PIR: variants seen among roughly 807,000 people sequenced by gnomAD.
The protein encoded by PIR is pirin (iron-binding nuclear protein).
A neutral mutation model predicts 24.2 loss-of-function variants in PIR; 22 were observed. The observed-to-expected ratio is 0.91, with a 90% CI of 0.65 to 1.30. The LOEUF (loss-of-function observed/expected upper bound fraction) is 1.30. PIR is among the 50% of genes most tolerant of loss of function. The pLI is 0.00. For synonymous variants in PIR, 80 were observed against 79.6 expected (o/e 1.00, Z -0.03); for missense variants, 220 against 220.3 (o/e 1.00, Z 0.01).
At chrX:15,438,673 T>C (rs1925822606) in intron 5 of PIR, among the ~76,000 whole-genome samples, 2 of 111,561 alleles carry the variant, frequency 1.8e-5, no homozygotes, top group African/African-American at 6.5e-5. Flanking sequence ...GGTGCCATCA[T>C]TGTTGCAACT....
chrX:15,397,352 A>T (rs1313678192), intron 8 of PIR, 97 bp downstream of exon 8: 28 of 579,591 alleles, frequency 4.8e-5, no homozygotes, highest in Non-Finnish European at 7.6e-5. Context: ...TCCAAGGAAG[A>T]GAGAAAAACT....
Position 15,491,324 on chromosome X carries a change from AC to A in PIR, c.-52-16del. The A allele has an allele frequency of 5.7e-6, 4 of 707,532 alleles. No homozygotes were observed. The highest frequency in any genetic ancestry group is 8.5e-6 in the Non-Finnish European group (4 of 471,053). 58.3% of individuals were successfully genotyped at this position (707,532 alleles called of 1,213,427 possible). A position where few individuals can be genotyped will look rare whatever the true frequency, so the allele number is the denominator to read the frequency against. On this transcript the variant is annotated splice_polypyrimidine_tract_variant and intron_variant, in intron 1 of 9. Coordinates refer to ENST00000380420, the MANE Select transcript of PIR (RefSeq NM_001018109.3). ...AGGATGGAGGGCTAAAGGAAGGACA[AC>A]AAAAAAAAAAGAAGTCATAAAGGAG...
In PIR at chrX:15,387,058, TTTTTC is replaced by T. The variant is rs1395772237; in HGVS notation, c.761-1947_761-1943del. Among the ~76,000 whole-genome samples, 95 of 69,854 alleles carry T rather than the reference TTTTTC, an allele frequency of 1.4e-3. 12 individuals are homozygous for T. The highest frequency in any genetic ancestry group is 3.0e-3 in the South Asian group (4 of 1,346). The allele number at this position is 69,854 out of a possible 115,157, so 60.7% of individuals were successfully genotyped here. A position where few individuals can be genotyped will look rare whatever the true frequency, so the allele number is the denominator to read the frequency against. ...TCAGTTCTGGATATTTTTTGTTTTGTTTTTCTTTTCTTTTCTTTTTTTTTTTTTTT... is the reference window on the plus strand; with the variant it reads ...TCAGTTCTGGATATTTTTTGTTTTGTTTTTCTTTTCTTTTTTTTTTTTTTT... On this transcript the variant is annotated intron_variant, in intron 9 of 9. Coordinates refer to ENST00000380420, the MANE Select transcript of PIR (RefSeq NM_001018109.3).
intron 3 of PIR, among the ~76,000 whole-genome samples, chrX:15,470,600 CTT>C (rs1185040119): frequency 8.9e-5 from 4 of 45,100 alleles, no homozygotes; most frequent in African/African-American, 1.4e-4. Context: ...TTCTTTCTTT[CTT>C]TTTTTTTTTT....
At chrX:15,417,146 T>C (rs1180715284) in intron 6 of PIR, among the ~76,000 whole-genome samples, 2 of 111,253 alleles carry the variant, frequency 1.8e-5, no homozygotes, top group Non-Finnish European at 3.8e-5. Context: ...GATGGGGTTT[T>C]GCCATGTTGG....
intron 6 of PIR, among the ~76,000 whole-genome samples, chrX:15,419,037 G>A (rs1374274691): frequency 9.1e-6 from 1 of 109,988 alleles, no homozygotes; most frequent in East Asian, 2.8e-4. Flanking sequence ...CACATTTCAC[G>A]AAATATTTGA....
chrX:15,491,527 T>G (rs1469600833), intron 1 of PIR, among the ~76,000 whole-genome samples: 1 of 111,728 alleles, frequency 9.0e-6, no homozygotes, highest in Non-Finnish European at 1.9e-5. Context: ...CACCAATTAT[T>G]TACAACTATC....
At chrX:15,407,373 A>G in intron 7 of PIR, 133 bp downstream of exon 7, 1 of 529,213 alleles carries the variant, frequency 1.9e-6, no homozygotes, top group South Asian at 2.7e-5. Flanking sequence ...GTGCTGGGAT[A>G]TAGAGAGGGC....
chrX:15,385,761 G>A (rs5978727), intron 9 of PIR, among the ~76,000 whole-genome samples: 17,433 of 111,499 alleles, frequency 0.16, 1,209 homozygotes, highest in East Asian at 0.39. Context: ...TCATCAAAGT[G>A]CAAAAGCAGC....
At position 15,386,893 on chromosome X, in the gene PIR, A is replaced by G. The variant is rs1357170354; in HGVS notation, c.761-1777T>C. Among the ~76,000 whole-genome samples the G allele has an allele frequency of 3.6e-5, 4 of 109,719 alleles. No individual in the cohort carries two copies. The East Asian group carries it at 8.6e-4, about 24-fold the overall frequency. On this transcript the variant is annotated intron_variant, in intron 9 of 9. Transcript: ENST00000380420. The stretch of plus-strand genomic sequence containing the variant: ...GTAAGGTTAAGTAGGGAGTAATATA[A>G]TATGATTTATAATTTTTAAAGAAGA...
At chrX:15,445,481 C>T (rs1807422363) in intron 5 of PIR, among the ~76,000 whole-genome samples, 1 of 111,417 alleles carries the variant, frequency 9.0e-6, no homozygotes, top group Non-Finnish European at 1.9e-5. Flanking sequence ...ACATGTATGC[C>T]TATGTAACAA....
Position 15,483,164 on chromosome X carries a change from C to CATACATACATAT in PIR, c.97-3344_97-3343insATATGTATGTAT, listed in dbSNP as rs1555962827. ...ATATATACATAACATATACATTATACATATATATATAAATTCAACAAGCTA... is the reference window on the plus strand; with the variant it reads ...ATATATACATAACATATACATTATACATACATACATATATATATATATAAATTCAACAAGCTA... On this transcript the variant is annotated intron_variant, in intron 2 of 9. Transcript: ENST00000380420. 5.1e-3 allele frequency among the ~76,000 whole-genome samples: 291 copies of CATACATACATAT among 56,959 alleles called. 1 individual carries two copies. The highest frequency in any genetic ancestry group is 0.016 in the African/African-American group (270 of 16,917). 49.5% of individuals were successfully genotyped at this position (56,959 alleles called of 115,157 possible). A position where few individuals can be genotyped will look rare whatever the true frequency, so the allele number is the denominator to read the frequency against.
chrX:15,472,808 AC>A (rs1383007328), intron 3 of PIR, among the ~76,000 whole-genome samples: 1 of 112,194 alleles, frequency 8.9e-6, no homozygotes, highest in African/African-American at 3.2e-5. Flanking sequence ...ACATATTTGT[AC>A]CTGTTATGAT....
intron 5 of PIR, among the ~76,000 whole-genome samples, chrX:15,433,291 G>A (rs1296264225): frequency 9.1e-6 from 1 of 110,273 alleles, no homozygotes; most frequent in Admixed American, 9.8e-5. Context: ...CCAAGAAAAC[G>A]GTGTCACCTG....
At chrX:15,434,086 AAAGGAGGAGGAGGGAGGAGAAAG>A (rs1350259141) in intron 5 of PIR, among the ~76,000 whole-genome samples, 4 of 60,388 alleles carry the variant, frequency 6.6e-5, no homozygotes, top group Admixed American at 4.1e-4. Flanking sequence ...GAGGAAGGAG[AAAGGAGGAGGAGGGAGGAGAAAG>A]AAGGAGGAGG....
chrX:15,450,365 G>T (rs933591327), intron 5 of PIR, among the ~76,000 whole-genome samples: 1 of 101,479 alleles, frequency 9.9e-6, no homozygotes, highest in Non-Finnish European at 2.0e-5. Flanking sequence ...CTGCCATTAG[G>T]AGAGTATCTG....
chrX:15,428,035 G>A (rs903612893), intron 5 of PIR, among the ~76,000 whole-genome samples: 1 of 111,531 alleles, frequency 9.0e-6, no homozygotes, highest in Non-Finnish European at 1.9e-5. Context: ...TCCTCTGAAT[G>A]TCTCCAATTG....
rs140591661 is a variant in PIR at position 15,395,716 on chromosome X, T to G, written c.693+1733A>C. Among the ~76,000 whole-genome samples, 312 of 112,718 alleles carry G rather than the reference T, an allele frequency of 2.8e-3. 2 individuals are homozygous for G. Among genetic ancestry groups the G allele is most frequent in the Non-Finnish European group, 5.0e-3 (266 of 53,335 alleles). On this transcript the variant is annotated intron_variant, in intron 8 of 9. Coordinates refer to ENST00000380420, the MANE Select transcript of PIR (RefSeq NM_001018109.3). ...AAGATTCAAACCTTCAGAATTTCTT[T>G]TCTGCTGTAATCTAAAGGGGACTTT...
At chrX:15,432,012 ATAT>A (rs1049308189) in intron 5 of PIR, among the ~76,000 whole-genome samples, 9 of 110,433 alleles carry the variant, frequency 8.1e-5, no homozygotes, top group African/African-American at 2.6e-4. Flanking sequence ...AGTTTGGGTG[ATAT>A]TATTATTATT....
Sources: allele counts gnomAD v4.1 joint callset (sites outside exome capture counted in the v4.1 genomes callset), GRCh38; gene constraint gnomAD v4.1.1; transcripts MANE v1.5; gene names NCBI Gene and HGNC (gene_info 2026-07-23, HGNC 2026-07-21).